The following LDLRAD4 variants were observed in gnomAD, a reference collection of about 807,000 sequenced individuals.
LDLRAD4 encodes the protein low-density lipoprotein receptor class A domain-containing protein 4.
Under a neutral mutation model 17.0 loss-of-function variants are expected in LDLRAD4, and 5 were observed. The observed-to-expected ratio is 0.29, with a 90% CI of 0.15 to 0.62. LDLRAD4 has a LOEUF of 0.62. Ranked by LOEUF, LDLRAD4 falls within the 20% of genes least tolerant of loss-of-function variation. The probability of loss-of-function intolerance (pLI) is 0.84; values close to 1 mark genes in which losing one functional copy is unlikely to be tolerated. For synonymous variants in LDLRAD4, 168 were observed against 171.8 expected (o/e 0.98, Z 0.17); for missense variants, 340 against 424.7 (o/e 0.80, Z 1.75).
At chr18:13,239,317 T>C (rs2042507307) in intron 1 of LDLRAD4, among the ~76,000 whole-genome samples, 1 of 151,490 alleles carries the variant, frequency 6.6e-6, no homozygotes, top group Non-Finnish European at 1.5e-5. Context: ...GCTAATCCAG[T>C]GAGATTAGCC....
intron 1 of LDLRAD4, among the ~76,000 whole-genome samples, chr18:13,260,562 G>C (rs1290370089): frequency 6.6e-6 from 1 of 152,242 alleles, no homozygotes; most frequent in Non-Finnish European, 1.5e-5. Context: ...GTGACAATTA[G>C]TGGGAGGTGG....
At chr18:13,260,998 C>A (rs2043788118) in intron 1 of LDLRAD4, among the ~76,000 whole-genome samples, 1 of 152,254 alleles carries the variant, frequency 6.6e-6, no homozygotes, top group South Asian at 2.1e-4. Context: ...ACCTGGTTCC[C>A]TCTTTTCCAG....
In LDLRAD4 at chr18:13,356,561, G is replaced by A. The variant is rs188325926; in HGVS notation, c.-382-30780G>A. 7.2e-5 allele frequency among the ~76,000 whole-genome samples: 11 copies of A among 152,186 alleles called. 2 individuals are homozygous for A. Among genetic ancestry groups the A allele is most frequent in the Admixed American group, 6.5e-4 (10 of 15,292 alleles). ...TAATTAAAAGTTTTACCTTTTTATT[G>A]TAGAATAAAATACAGGTACAGAAAA... On this transcript the variant is annotated intron_variant, in intron 1 of 5. Coordinates refer to ENST00000359446, the Ensembl canonical transcript of LDLRAD4.
intron 1 of LDLRAD4, among the ~76,000 whole-genome samples, chr18:13,347,685 T>C (rs573834395): frequency 6.6e-6 from 1 of 152,366 alleles, no homozygotes; most frequent in African/African-American, 2.4e-5. Flanking sequence ...TTGGTTCCAT[T>C]CTCCCCGTCA....
At chr18:13,352,678 T>C (rs1161167214) in intron 1 of LDLRAD4, among the ~76,000 whole-genome samples, 2 of 152,110 alleles carry the variant, frequency 1.3e-5, no homozygotes, top group Admixed American at 1.3e-4. Flanking sequence ...TATCTTCCTC[T>C]TTCTCTCTTC....
At chr18:13,230,031 AT>A (rs1251138160) in intron 1 of LDLRAD4, among the ~76,000 whole-genome samples, 1 of 152,220 alleles carries the variant, frequency 6.6e-6, no homozygotes, top group East Asian at 1.9e-4. Flanking sequence ...CTGTGATAGT[AT>A]TGATAGTATT....
At chr18:13,529,421 A>G (rs2094092239) in intron 3 of LDLRAD4, among the ~76,000 whole-genome samples, 1 of 152,270 alleles carries the variant, frequency 6.6e-6, no homozygotes, top group South Asian at 2.1e-4. Context: ...GAGGTCATCC[A>G]CAAGTAGAAA....
intron 1 of LDLRAD4, among the ~76,000 whole-genome samples, chr18:13,303,600 A>G (rs1462675473): frequency 6.6e-6 from 1 of 152,108 alleles, no homozygotes; most frequent in Non-Finnish European, 1.5e-5. Context: ...CCAAAGCCCT[A>G]GGATTACAGG....
At chr18:13,426,572 A>G (rs181342495) in intron 2 of LDLRAD4, among the ~76,000 whole-genome samples, 86 of 152,248 alleles carry the variant, frequency 5.6e-4, no homozygotes, top group African/African-American at 1.8e-3. Flanking sequence ...GCCTCTTCCT[A>G]CTGCAGCTTG....
rs948796855 is a variant in LDLRAD4 at position 13,300,168 on chromosome 18, G to C, written c.-383+21980G>C. ...CCAGCCTGGCTTCCGGTTCCTGCTT[G>C]TCTCTGGAGAGCCGTGGTTCCAGGG... On this transcript the variant is annotated intron_variant, in intron 1 of 5. Coordinates refer to ENST00000359446, the Ensembl canonical transcript of LDLRAD4. This position sits in a 1 kb window ranked among gnomAD's most constrained non-coding sequence, Gnocchi z 4.2. Among the ~76,000 whole-genome samples the C allele has an allele frequency of 6.6e-6, 1 of 152,234 alleles. No homozygotes were observed. Among genetic ancestry groups the C allele is most frequent in the Non-Finnish European group, 1.5e-5 (1 of 68,042 alleles).
At chr18:13,640,253 C>A (rs1399012223) in intron 4 of LDLRAD4, among the ~76,000 whole-genome samples, 1 of 142,132 alleles carries the variant, frequency 7.0e-6, no homozygotes, top group South Asian at 2.2e-4. Flanking sequence ...AGATCCCGCC[C>A]CTGCACTCCA....
At chr18:13,571,572 A>G (rs1489430367) in intron 3 of LDLRAD4, among the ~76,000 whole-genome samples, 1 of 152,208 alleles carries the variant, frequency 6.6e-6, no homozygotes, top group Non-Finnish European at 1.5e-5. Context: ...TGCCTGATAC[A>G]ATGCATAGGC....
intron 1 of LDLRAD4, among the ~76,000 whole-genome samples, chr18:13,288,622 G>A (rs116885958): frequency 0.075 from 4,467 of 59,254 alleles, 108 homozygotes; most frequent in South Asian, 0.19. Context: ...TAGCAGCCCC[G>A]CAGACCGTGG....
At chr18:13,230,783 A>G (rs773356927) in intron 1 of LDLRAD4, among the ~76,000 whole-genome samples, 2 of 152,176 alleles carry the variant, frequency 1.3e-5, no homozygotes, top group Admixed American at 6.5e-5. Context: ...TGTGAACTCA[A>G]AATCCACAGA....
At chr18:13,499,262 C>A (rs7227218) in intron 3 of LDLRAD4, among the ~76,000 whole-genome samples, 4,916 of 147,862 alleles carry the variant, frequency 0.033, 245 homozygotes, top group African/African-American at 0.12. Flanking sequence ...ACTGGAGAAT[C>A]CTTCTCGCCA....
At chr18:13,251,760 G>A (rs981392228) in intron 1 of LDLRAD4, among the ~76,000 whole-genome samples, 4 of 152,216 alleles carry the variant, frequency 2.6e-5, no homozygotes, top group African/African-American at 9.6e-5. Context: ...AAGAAGTACT[G>A]TATGGTTCAG....
chr18:13,582,775 C>T (rs935762183), intron 3 of LDLRAD4, among the ~76,000 whole-genome samples: 2 of 152,170 alleles, frequency 1.3e-5, no homozygotes, highest in Admixed American at 6.5e-5. Context: ...TACAGTTGCA[C>T]GAGAATAGCT....
At position 13,645,271 on chromosome 18, in the gene LDLRAD4, G is replaced by A; in HGVS notation, c.535G>A (p.Glu179Lys). 6.2e-7 allele frequency: 1 copy of A among 1,614,178 alleles called. No homozygotes were observed. The highest frequency in any genetic ancestry group is 2.2e-5 in the East Asian group (1 of 44,880). The change falls in exon 6 of 6, where the codon GAG becomes AAG. Residue 179 changes from glutamate (E) to lysine (K), a missense_variant. Transcript: ENST00000359446. This position sits in a 1 kb window ranked among gnomAD's most constrained non-coding sequence, Gnocchi z 5.7. Reference sequence around the variant, plus strand: ...CACCATCTCCCTGTCCGACGGTGAAGAGCCACCTCCTTACCAGGGGCCCTG... The same window carrying A: ...CACCATCTCCCTGTCCGACGGTGAAAAGCCACCTCCTTACCAGGGGCCCTG...
At chr18:13,450,332 C>T (rs566891046) in intron 3 of LDLRAD4, among the ~76,000 whole-genome samples, 25 of 121,730 alleles carry the variant, frequency 2.1e-4, no homozygotes, top group Non-Finnish European at 2.4e-4. Context: ...CCCCACCCCC[C>T]CCCCCAAAAA....
Sources: allele counts gnomAD v4.1 joint callset (sites outside exome capture counted in the v4.1 genomes callset), GRCh38; gene constraint gnomAD v4.1.1; non-coding constraint Gnocchi (gnomAD v3.1); transcripts MANE v1.5; gene names NCBI Gene and HGNC (gene_info 2026-07-23, HGNC 2026-07-21).